The following GATB variants were observed in gnomAD, a reference collection of about 807,000 sequenced individuals.
The protein encoded by GATB is glutamyl-tRNA(Gln) amidotransferase subunit B, mitochondrial.
Under a neutral mutation model 62.3 loss-of-function variants are expected in GATB, and 39 were observed. The observed-to-expected ratio is 0.63, with a 90% CI of 0.48 to 0.82. The LOEUF (loss-of-function observed/expected upper bound fraction) is 0.82, where lower values mean the gene tolerates loss of function less well. GATB is among the 40% of genes least tolerant of loss of function. The pLI, the probability that GATB is intolerant of heterozygous loss-of-function variation, is 0.00. For synonymous variants in GATB, 276 were observed against 258.9 expected, an observed-to-expected ratio of 1.07 and a Z score of -0.63; for missense variants, 670 against 684.0, an observed-to-expected ratio of 0.98 and a Z score of 0.23.
Position 151,707,871 on chromosome 4 carries a change from G to A in GATB, c.877+117C>T, listed in dbSNP as rs531034158. 73 of 678,918 alleles carry A rather than the reference G, an allele frequency of 1.1e-4. 1 individual carries two copies. The highest frequency in any genetic ancestry group is 6.9e-4 in the South Asian group (38 of 54,860). The allele number at this position is 678,918 out of a possible 1,614,324, so 42.1% of individuals were successfully genotyped here. A position where few individuals can be genotyped will look rare whatever the true frequency, so the allele number is the denominator to read the frequency against. On this transcript the variant is annotated intron_variant, in intron 6 of 12. Transcript: ENST00000263985. Reference sequence around the variant, plus strand: ...TGAGCCGACACAGGACCAACAGAACGGACCAGTGAAAACGAAAGTAGTTCT... The same window carrying A: ...TGAGCCGACACAGGACCAACAGAACAGACCAGTGAAAACGAAAGTAGTTCT...
Position 151,701,538 on chromosome 4 carries a change from G to A in GATB, c.1008-20C>T, listed in dbSNP as rs569933131. The A allele has an allele frequency of 1.5e-5, 21 of 1,437,834 alleles. No individual in the cohort carries two copies. Among genetic ancestry groups the A allele is most frequent in the East Asian group, 7.9e-5 (3 of 38,052 alleles). The allele number at this position is 1,437,834 out of a possible 1,614,324, so 89.1% of individuals were successfully genotyped here. Reference sequence around the variant, plus strand: ...ATGAACCTGGGCAGACAGAGGAGACGGGACCTGAATCTGGAGTACTTGGAT... The same window carrying A: ...ATGAACCTGGGCAGACAGAGGAGACAGGACCTGAATCTGGAGTACTTGGAT... On this transcript the variant is annotated intron_variant, in intron 8 of 12. Coordinates refer to ENST00000263985, the MANE Select transcript of GATB (RefSeq NM_004564.3).
chr4:151,719,449 C>T lies in GATB; in HGVS notation c.417G>A (p.Lys139=). 1 of 1,611,998 alleles carries T rather than the reference C, an allele frequency of 6.2e-7. No homozygotes were observed. Among genetic ancestry groups the T allele is most frequent in the South Asian group, 1.1e-5 (1 of 90,636 alleles). The change falls in exon 3 of 13, where the codon AAG becomes AAA. Residue 139 remains lysine (K), a synonymous_variant. Transcript: ENST00000263985. ...HINKKSLFDR[K]HYFYADLPAG... is the part of the protein sequence containing the mutation. The stretch of plus-strand genomic sequence containing the variant: ...CAGGGAGGTCTGCATAGAAGTAGTG[C>T]TTCCTGTCAAACAAGGACTTCTTGT...
At chr4:151,680,077 A>G (rs1738105351) in intron 10 of GATB, among the ~76,000 whole-genome samples, 186 bp from the exon 11 acceptor site, 2 of 152,190 alleles carry the variant, frequency 1.3e-5, no homozygotes. Context: ...TTAGGATATA[A>G]CAAATTTTTG....
chr4:151,695,969 C>T (rs1420568293), intron 9 of GATB, among the ~76,000 whole-genome samples: 1 of 126,948 alleles, frequency 7.9e-6, no homozygotes, highest in Non-Finnish European at 1.6e-5. Flanking sequence ...ATAGGGGTCT[C>T]ACTACACTAC....
chr4:151,698,092 C>T (rs2126966780), intron 9 of GATB, among the ~76,000 whole-genome samples: 1 of 150,530 alleles, frequency 6.6e-6, no homozygotes, highest in South Asian at 2.1e-4. Flanking sequence ...TCTGGGTTGT[C>T]AAAGCATGGT....
intron 5 of GATB, among the ~76,000 whole-genome samples, chr4:151,710,342 A>C (rs1169079500): frequency 6.6e-6 from 1 of 152,202 alleles, no homozygotes; most frequent in Non-Finnish European, 1.5e-5. Context: ...TTCTTATTAA[A>C]TGAACAAACA....
chr4:151,734,836 A>C (rs536139776), intron 2 of GATB, among the ~76,000 whole-genome samples: 11 of 152,304 alleles, frequency 7.2e-5, no homozygotes, highest in African/African-American at 2.6e-4. Flanking sequence ...CGGGGAAAGG[A>C]CACCCTTTTC....
At chr4:151,759,064 A>T (rs1739898145) in intron 1 of GATB, 142 bp from the exon 2 acceptor site, 9 of 517,036 alleles carry the variant, frequency 1.7e-5, no homozygotes, top group Non-Finnish European at 2.9e-5. Flanking sequence ...AAAATGTGTC[A>T]TATTTTATCA....
chr4:151,754,794 A>C (rs763955112), intron 2 of GATB, among the ~76,000 whole-genome samples: 1 of 152,124 alleles, frequency 6.6e-6, no homozygotes, highest in Non-Finnish European at 1.5e-5. Flanking sequence ...TTTTATCCAT[A>C]TACTAGTTTT....
chr4:151,712,534 A>G (rs529821855), intron 5 of GATB, among the ~76,000 whole-genome samples: 1 of 152,342 alleles, frequency 6.6e-6, no homozygotes, highest in African/African-American at 2.4e-5. Flanking sequence ...CAGAAATATA[A>G]CATCAAGATG....
chr4:151,741,067 G>A (rs1739475411), intron 2 of GATB, among the ~76,000 whole-genome samples: 4 of 152,118 alleles, frequency 2.6e-5, no homozygotes. Flanking sequence ...ATGAGGGATA[G>A]GTTCCAAGAC....
chr4:151,752,735 GCCT>G (rs1274086337), intron 2 of GATB, among the ~76,000 whole-genome samples: 11 of 152,194 alleles, frequency 7.2e-5, no homozygotes, highest in Non-Finnish European at 1.6e-4. Flanking sequence ...ATTATCTATA[GCCT>G]CCTATTTCCT....
intron 10 of GATB, among the ~76,000 whole-genome samples, chr4:151,683,406 C>T (rs6846114): frequency 0.6 from 90,828 of 151,996 alleles, 29,705 homozygotes; most frequent in African/African-American, 0.89. Context: ...CTTGGGCCTC[C>T]GGAATGTCCT....
rs184897351 is a variant in GATB, at chr4:151,741,013, C to T, written c.327+17759G>A. On this transcript the variant is annotated intron_variant, in intron 2 of 12. Coordinates refer to ENST00000263985, the MANE Select transcript of GATB (RefSeq NM_004564.3). The stretch of plus-strand genomic sequence containing the variant: ...TAATGTGTTCATACTTTATTTTCTG[C>T]ACACTCCTACCTCTCTTTCCAGTAC... Among the ~76,000 whole-genome samples, 404 of 152,206 alleles carry T rather than the reference C, an allele frequency of 2.7e-3. 1 individual carries two copies. The highest frequency in any genetic ancestry group is 4.4e-3 in the Non-Finnish European group (301 of 68,008).
chr4:151,681,602 T>C (rs1738138862), intron 10 of GATB, among the ~76,000 whole-genome samples: 1 of 152,196 alleles, frequency 6.6e-6, no homozygotes, highest in South Asian at 2.1e-4. Flanking sequence ...GAGGTGGAAC[T>C]GGATTTCTTG....
chr4:151,723,992 C>T (rs1739082359), intron 2 of GATB: 1 of 152,094 alleles, frequency 6.6e-6, no homozygotes. Context: ...TATTGTAAGA[C>T]CTGAGTAGTG....
At chr4:151,702,264 T>C (rs1302194064) in intron 8 of GATB, among the ~76,000 whole-genome samples, 2 of 151,830 alleles carry the variant, frequency 1.3e-5, no homozygotes, top group African/African-American at 4.8e-5. Flanking sequence ...AGCATTTACA[T>C]AAATAAAAAA....
chr4:151,688,690 C>T lies in GATB; in HGVS notation c.1271G>A (p.Ser424Asn). The change falls in exon 10 of 13, where the codon AGT becomes AAT. Residue 424 changes from serine (S) to asparagine (N), a missense_variant. Physicochemically the swap from Ser to Asn is conservative, Grantham distance 46. Transcript: ENST00000263985. ...ETRAEPKKVT[S>N]WVLNTFLGYL... ...GCCCAGAAAAGTGTTGAGGACCCAACTAGTCACCTTTTTTGGCTCTGCCCT... is the reference window on the plus strand; with the variant it reads ...GCCCAGAAAAGTGTTGAGGACCCAATTAGTCACCTTTTTTGGCTCTGCCCT... The T allele has an allele frequency of 1.2e-6, 2 of 1,613,662 alleles. No individual in the cohort carries two copies. The highest frequency in any genetic ancestry group is 1.7e-6 in the Non-Finnish European group (2 of 1,179,878).
At position 151,717,004 on chromosome 4, in the gene GATB, G is replaced by A. The variant is rs1237698677; in HGVS notation, c.512C>T (p.Ala171Val). The stretch of plus-strand genomic sequence containing the variant: ...GATCACCTGACTCTGCTTCTTCCCT[G>A]CACAGACGCCATATATCAAGCTCCC... ...VNGSLIYGVCAGKKQSQVIPK... is the reference protein window; with the variant it reads ...VNGSLIYGVCVGKKQSQVIPK... The change falls in exon 4 of 13, where the codon GCA becomes GTA. Residue 171 changes from alanine to valine, a missense_variant. Coordinates refer to ENST00000263985, the MANE Select transcript of GATB (RefSeq NM_004564.3). 2 of 1,613,954 alleles carry A rather than the reference G, an allele frequency of 1.2e-6. No individual in the cohort carries two copies. Among genetic ancestry groups the A allele is most frequent in the Non-Finnish European group, 1.7e-6 (2 of 1,180,024 alleles).
Sources: gnomAD v4.1 joint callset for allele counts (sites outside exome capture counted in the v4.1 genomes callset) on GRCh38, gnomAD v4.1.1 for gene constraint, MANE v1.5 for transcripts, NCBI Gene and HGNC (gene_info 2026-07-23, HGNC 2026-07-21) for gene names.